MTUS2: variants seen among roughly 807,000 people sequenced by gnomAD.
MTUS2 encodes microtubule-associated tumor suppressor candidate 2.
Under a neutral mutation model 114.1 loss-of-function variants are expected in MTUS2, and 40 were observed. That is an observed-to-expected ratio of 0.35 (90% CI 0.27 to 0.46). MTUS2 has a LOEUF of 0.46. Ranked by LOEUF, MTUS2 falls within the 20% of genes least tolerant of loss-of-function variation. MTUS2 has a pLI of 1.00. For synonymous variants in MTUS2, 688 were observed against 672.0 expected (o/e 1.02, Z -0.37); for missense variants, 1,679 against 1,705.4 (o/e 0.98, Z 0.27).
intron 8 of MTUS2, among the ~76,000 whole-genome samples, chr13:29,364,952 A>C (rs1250525727): frequency 1.3e-5 from 2 of 152,234 alleles, no homozygotes; most frequent in Non-Finnish European, 2.9e-5. Context: ...AAATGTGAGC[A>C]CTTAAGGTGG....
chr13:29,365,627 G>A (rs1307359109), intron 8 of MTUS2, among the ~76,000 whole-genome samples: 1 of 152,052 alleles, frequency 6.6e-6, no homozygotes, highest in East Asian at 1.9e-4. Flanking sequence ...GTTTTCCCCA[G>A]ATCCTGGTGG....
At chr13:28,889,261 A>G (rs145617424) in intron 2 of MTUS2, among the ~76,000 whole-genome samples, 1 of 152,178 alleles carries the variant, frequency 6.6e-6, no homozygotes, top group Non-Finnish European at 1.5e-5. Flanking sequence ...GGGGAAAAAA[A>G]GTTGGAGGCA....
At chr13:29,259,131 A>G (rs2139457364) in intron 5 of MTUS2, among the ~76,000 whole-genome samples, 1 of 152,338 alleles carries the variant, frequency 6.6e-6, no homozygotes, top group Middle Eastern at 3.4e-3. Flanking sequence ...GTGAAAAAGA[A>G]ACTATTAGCC....
chr13:29,004,655 C>A (rs1885529045), intron 2 of MTUS2, among the ~76,000 whole-genome samples: 1 of 152,112 alleles, frequency 6.6e-6, no homozygotes, highest in South Asian at 2.1e-4. Flanking sequence ...GTTTAGCTTG[C>A]CAGAAAAATA....
intron 9 of MTUS2, among the ~76,000 whole-genome samples, chr13:29,448,753 CTTTTTT>C (rs71090255): frequency 8.6e-6 from 1 of 115,612 alleles, no homozygotes; most frequent in Non-Finnish European, 1.7e-5. Flanking sequence ...ACAGAGTGCT[CTTTTTT>C]TTTTTTTTTT....
At chr13:29,232,314 A>T in intron 5 of MTUS2, among the ~76,000 whole-genome samples, 2 of 150,690 alleles carry the variant, frequency 1.3e-5, no homozygotes, top group South Asian at 4.2e-4. Flanking sequence ...GCGCACACAC[A>T]CACACACACG....
intron 4 of MTUS2, among the ~76,000 whole-genome samples, chr13:29,059,613 T>C (rs1476196179): frequency 6.6e-6 from 1 of 152,088 alleles, no homozygotes; most frequent in Admixed American, 6.5e-5. Context: ...ATCCAGGTGT[T>C]TCCAAGGCAA....
intron 2 of MTUS2, among the ~76,000 whole-genome samples, chr13:28,933,180 A>T (rs1881713374): frequency 6.7e-6 from 1 of 150,230 alleles, no homozygotes; most frequent in African/African-American, 2.5e-5. Flanking sequence ...TTGATCTGTT[A>T]ACTTATCTAT....
At chr13:29,130,094 G>A in intron 5 of MTUS2, among the ~76,000 whole-genome samples, 1 of 152,140 alleles carries the variant, frequency 6.6e-6, no homozygotes, top group South Asian at 2.1e-4. Flanking sequence ...GGACAGAATG[G>A]AGTGAGTCCA....
intron 5 of MTUS2, among the ~76,000 whole-genome samples, chr13:29,134,575 A>G (rs1475332044): frequency 1.3e-5 from 2 of 152,070 alleles, no homozygotes; most frequent in African/African-American, 4.8e-5. Flanking sequence ...TAATTGTTAT[A>G]TATATCTTCC....
chr13:29,100,850 T>G lies in MTUS2; in HGVS notation c.2524T>G (p.Ser842Ala). 6.4e-7 allele frequency: 1 copy of G among 1,552,600 alleles called. No individual in the cohort carries two copies. The highest frequency in any genetic ancestry group is 8.7e-7 in the Non-Finnish European group (1 of 1,147,478). ...PKSGLRPPGY[S>A]RLPAAKLAAF... Reference sequence around the variant, plus strand: ...ATCTGGTCTCCGTCCTCCCGGATACTCACGTCTCCCGGCAGCCAAACTGGC... The same window carrying G: ...ATCTGGTCTCCGTCCTCCCGGATACGCACGTCTCCCGGCAGCCAAACTGGC... Residue 842 changes from serine (S) to alanine (A), a missense_variant, in exon 5 of 16, where the codon TCA (serine) becomes GCA (alanine). Coordinates refer to ENST00000612955, the MANE Select transcript of MTUS2 (RefSeq NM_001033602.4).
intron 5 of MTUS2, among the ~76,000 whole-genome samples, chr13:29,124,605 A>C (rs1456707801): frequency 6.6e-6 from 1 of 152,226 alleles, no homozygotes; most frequent in East Asian, 1.9e-4. Flanking sequence ...ATGTGAAAGC[A>C]GGCTTGTGAA....
chr13:28,892,634 G>T (rs1247564338), intron 2 of MTUS2, among the ~76,000 whole-genome samples: 1 of 152,128 alleles, frequency 6.6e-6, no homozygotes, highest in Non-Finnish European at 1.5e-5. Flanking sequence ...TGGATGAGAG[G>T]TTATCTGGAT....
intron 5 of MTUS2, among the ~76,000 whole-genome samples, chr13:29,166,233 A>T (rs773387529): frequency 6.6e-6 from 1 of 152,224 alleles, no homozygotes; most frequent in Non-Finnish European, 1.5e-5. Context: ...TCTGGATTGG[A>T]AACACAAGTT....
Position 29,264,174 on chromosome 13 carries a change from C to G in MTUS2, c.2645-17530C>G, listed in dbSNP as rs557404687. Among the ~76,000 whole-genome samples, 105 of 152,340 alleles carry G rather than the reference C, an allele frequency of 6.9e-4. 1 individual carries two copies. Among genetic ancestry groups the G allele is most frequent in the Middle Eastern group, 6.8e-3 (2 of 294 alleles). ...AATAGGCCCCACACGAATCCAAAAC[C>G]CAGCAGGGCAGTCACTAAGTCTTAA... On this transcript the variant is annotated intron_variant, in intron 5 of 15. Coordinates refer to ENST00000612955, the MANE Select transcript of MTUS2 (RefSeq NM_001033602.4).
chr13:29,496,320 G>A lies in MTUS2; in HGVS notation c.3580-918G>A. On this transcript the variant is annotated intron_variant, in intron 12 of 15. Transcript: ENST00000612955. The surrounding 1 kb of genome is among the most constrained non-coding windows in gnomAD (Gnocchi z 4.3). ...CAGTCTGGCCACGGGGCAGGTCTGAGCAGGGAGGAGGAGACTGTGTGGACT... is the reference window on the plus strand; with the variant it reads ...CAGTCTGGCCACGGGGCAGGTCTGAACAGGGAGGAGGAGACTGTGTGGACT... 1 of 152,964 alleles carries A rather than the reference G, an allele frequency of 6.5e-6. No individual in the cohort carries two copies. Among genetic ancestry groups the A allele is most frequent in the Non-Finnish European group, 1.5e-5 (1 of 68,424 alleles). 9.5% of individuals were successfully genotyped at this position (152,964 alleles called of 1,614,324 possible).
chr13:29,482,407 A>G (rs1030033566), intron 10 of MTUS2: 1 of 152,212 alleles, frequency 6.6e-6, no homozygotes, highest in Non-Finnish European at 1.5e-5. Flanking sequence ...GAAGCCCTTG[A>G]CTTTTCCACA....
intron 5 of MTUS2, among the ~76,000 whole-genome samples, chr13:29,123,453 A>C (rs906669427): frequency 1.3e-5 from 2 of 151,958 alleles, no homozygotes; most frequent in Non-Finnish European, 1.5e-5. Flanking sequence ...GCAGTGGCTC[A>C]CTCCTGTAAT....
chr13:29,235,508 G>A (rs1176207460), intron 5 of MTUS2, among the ~76,000 whole-genome samples: 1 of 152,084 alleles, frequency 6.6e-6, no homozygotes, highest in Non-Finnish European at 1.5e-5. Context: ...TCTCACTTGA[G>A]CTTTATTGAG....
Sources: allele counts gnomAD v4.1 joint callset (sites outside exome capture counted in the v4.1 genomes callset), GRCh38; gene constraint gnomAD v4.1.1; non-coding constraint Gnocchi (gnomAD v3.1); transcripts MANE v1.5; gene names NCBI Gene and HGNC (gene_info 2026-07-23, HGNC 2026-07-21).